CDYL2: variants seen among roughly 807,000 people sequenced by gnomAD.
CDYL2 encodes the protein chromodomain Y like 2, also known as chromodomain Y-like protein 2.
Under a neutral mutation model 49.4 loss-of-function variants are expected in CDYL2, and 23 were observed. That is an observed-to-expected ratio of 0.47 (90% CI 0.34 to 0.66). The LOEUF (loss-of-function observed/expected upper bound fraction) is 0.66. Ranked by LOEUF, CDYL2 falls within the 30% of genes least tolerant of loss-of-function variation. The pLI, the probability that CDYL2 is intolerant of heterozygous loss-of-function variation, is 0.01. For synonymous variants in CDYL2, 360 were observed against 268.8 expected, an observed-to-expected ratio of 1.34 and a Z score of -3.32; for missense variants, 678 against 656.4, an observed-to-expected ratio of 1.03 and a Z score of -0.36.
intron 1 of CDYL2, among the ~76,000 whole-genome samples, chr16:80,739,145 A>G (rs566410324): frequency 1.3e-5 from 2 of 152,364 alleles, no homozygotes; most frequent in African/African-American, 4.8e-5. Flanking sequence ...GAATGAAATA[A>G]GCCAGTCATG....
At chr16:80,741,148 C>CATAT (rs373047238) in intron 1 of CDYL2, among the ~76,000 whole-genome samples, 4,322 of 149,202 alleles carry the variant, frequency 0.029, 200 homozygotes, top group African/African-American at 0.097. Flanking sequence ...AGCCCAGAAA[C>CATAT]ATATATATAC....
chr16:80,708,500 C>T (rs1259662354), intron 1 of CDYL2, among the ~76,000 whole-genome samples: 3 of 152,158 alleles, frequency 2.0e-5, no homozygotes, highest in East Asian at 1.9e-4. Flanking sequence ...TACCCAGTCT[C>T]GGGTAGGCTT....
intron 1 of CDYL2, among the ~76,000 whole-genome samples, chr16:80,741,046 A>T (rs903561699): frequency 6.6e-6 from 1 of 151,684 alleles, no homozygotes; most frequent in African/African-American, 2.4e-5. Flanking sequence ...ACAAACAAAA[A>T]AAGAATTCAA....
chr16:80,669,388 G>A (rs749151021), intron 2 of CDYL2, among the ~76,000 whole-genome samples: 2 of 152,144 alleles, frequency 1.3e-5, no homozygotes, highest in Non-Finnish European at 2.9e-5. Flanking sequence ...GTAAGACTCA[G>A]GACAATGGTC....
rs541448129 is a variant in CDYL2 at position 80,689,113 on chromosome 16, T to C, written c.25-3984A>G. ...GAATGAATGACATTAGAAAATCCTGTGTACACACCCCCACCAGCTTCTTTT... is the reference window on the plus strand; with the variant it reads ...GAATGAATGACATTAGAAAATCCTGCGTACACACCCCCACCAGCTTCTTTT... On this transcript the variant is annotated intron_variant, in intron 1 of 6. Transcript: ENST00000570137. Among the ~76,000 whole-genome samples the C allele has an allele frequency of 2.6e-4, 40 of 152,300 alleles. No homozygotes were observed. The South Asian group carries it at 8.1e-3, about 31-fold the overall frequency.
chr16:80,750,388 G>C (rs530768170), intron 1 of CDYL2, among the ~76,000 whole-genome samples: 25 of 138,834 alleles, frequency 1.8e-4, no homozygotes, highest in Admixed American at 1.1e-3. Context: ...AAAAACAGTA[G>C]ACTGGATCCA....
At chr16:80,649,534 G>A (rs568652649) in intron 2 of CDYL2, among the ~76,000 whole-genome samples, 41 of 152,194 alleles carry the variant, frequency 2.7e-4, no homozygotes, top group African/African-American at 8.9e-4. Context: ...TTGTTAAAAT[G>A]GCCATACTAC....
At chr16:80,662,680 G>T in intron 2 of CDYL2, 1 of 453,602 alleles carries the variant, frequency 2.2e-6, no homozygotes, top group Non-Finnish European at 4.4e-6. Flanking sequence ...ACAGTAGGTG[G>T]AATCCACATA....
intron 4 of CDYL2, among the ~76,000 whole-genome samples, chr16:80,616,344 CCTG>C (rs1597125276): frequency 6.6e-6 from 1 of 152,266 alleles, no homozygotes; most frequent in East Asian, 1.9e-4. Flanking sequence ...GCACGCGATC[CCTG>C]CTGCTATTAT....
At chr16:80,639,994 G>T (rs1215023426) in intron 2 of CDYL2, among the ~76,000 whole-genome samples, 1 of 152,148 alleles carries the variant, frequency 6.6e-6, no homozygotes, top group East Asian at 1.9e-4. Context: ...GCCACAATGG[G>T]ATAAAGTGCT....
intron 1 of CDYL2, among the ~76,000 whole-genome samples, chr16:80,746,656 G>A (rs1280915445): frequency 1.3e-5 from 2 of 152,154 alleles, no homozygotes; most frequent in Admixed American, 1.3e-4. Flanking sequence ...AGACAATCCA[G>A]GAAAGAACAC....
chr16:80,748,026 C>T lies in CDYL2; in HGVS notation c.24+56124G>A, dbSNP rs374215252. Among the ~76,000 whole-genome samples the T allele has an allele frequency of 1.8e-4, 28 of 151,860 alleles. No homozygotes were observed. In the East Asian group the frequency reaches 4.5e-3, roughly 24 times the overall value. ...AAGCAGGGCACAGTGAACTCTGTGA[C>T]TCCAGCCTCCACCCCAGTGACCAGA... On this transcript the variant is annotated intron_variant, in intron 1 of 6. Transcript: ENST00000570137.
rs182620709 is a variant in CDYL2, at chr16:80,684,545, G to A, written c.609C>T (p.Asn203=). 19 of 1,611,612 alleles carry A rather than the reference G, an allele frequency of 1.2e-5. No homozygotes were observed. Among genetic ancestry groups the A allele is most frequent in the African/African-American group, 4.0e-5 (3 of 74,970 alleles). The change falls in exon 2 of 7, where the codon AAC becomes AAT. Residue 203 remains asparagine, a synonymous_variant. Coordinates refer to ENST00000570137, the MANE Select transcript of CDYL2 (RefSeq NM_152342.4). ...CDVNHATLAE[N]GLGSALTNGG... is the part of the protein sequence containing the mutation. ...GAAAGAAAAGCTACAAACCGAGCCC[G>A]TTCTCCGCCAGTGTAGCGTGATTCA...
At chr16:80,796,767 A>G (rs1907779328) in intron 1 of CDYL2, among the ~76,000 whole-genome samples, 1 of 152,168 alleles carries the variant, frequency 6.6e-6, no homozygotes, top group African/African-American at 2.4e-5. Flanking sequence ...TATCATGCCC[A>G]AGACTCTTAG....
At chr16:80,768,948 G>A (rs1447816440) in intron 1 of CDYL2, among the ~76,000 whole-genome samples, 9 of 152,260 alleles carry the variant, frequency 5.9e-5, no homozygotes, top group Admixed American at 1.3e-4. Flanking sequence ...ATTATATTAT[G>A]TACAACACCT....
chr16:80,646,077 C>T (rs967430970), intron 2 of CDYL2, among the ~76,000 whole-genome samples: 12 of 150,998 alleles, frequency 7.9e-5, no homozygotes, highest in East Asian at 3.9e-4. Flanking sequence ...ACCAACATGG[C>T]GCATGTATAC....
intron 2 of CDYL2, among the ~76,000 whole-genome samples, chr16:80,664,909 G>C (rs1909197441): frequency 6.6e-6 from 1 of 152,178 alleles, no homozygotes; most frequent in Non-Finnish European, 1.5e-5. Context: ...GGCTTAGCAA[G>C]GGCTCAGTAA....
In CDYL2 at chr16:80,604,314, G is replaced by A. The variant is rs951516558; in HGVS notation, c.*74C>T. 1.4e-5 allele frequency: 22 copies of A among 1,532,018 alleles called. No homozygotes were observed. The highest frequency in any genetic ancestry group is 1.7e-5 in the Non-Finnish European group (19 of 1,114,278). 94.9% of individuals were successfully genotyped at this position (1,532,018 alleles called of 1,614,324 possible). On this transcript the variant is annotated 3_prime_UTR_variant, in exon 7 of 7. Coordinates refer to ENST00000570137, the MANE Select transcript of CDYL2 (RefSeq NM_152342.4). ...AGACACCTTGACAAACTCCTTGGCC[G>A]GGGCAGACACTGTGCTCTGGTTTCC...
At chr16:80,769,650 C>T (rs1906841442) in intron 1 of CDYL2, among the ~76,000 whole-genome samples, 1 of 152,146 alleles carries the variant, frequency 6.6e-6, no homozygotes, top group East Asian at 1.9e-4. Context: ...CCTCCCCAGG[C>T]CGAAAGATGT....
Sources: gnomAD v4.1 joint callset for allele counts (sites outside exome capture counted in the v4.1 genomes callset) on GRCh38, gnomAD v4.1.1 for gene constraint, MANE v1.5 for transcripts, NCBI Gene and HGNC (gene_info 2026-07-23, HGNC 2026-07-21) for gene names.